Variants in GPR160 observed in about 807,000 individuals in gnomAD.
GPR160 encodes probable G protein-coupled receptor 160.
Under a neutral mutation model 2.6 loss-of-function variants are expected in GPR160, and 2 were observed. The ratio of observed to expected loss-of-function variants is 0.77; its 90% CI spans 0.32 to 2.44. The LOEUF (loss-of-function observed/expected upper bound fraction) is 2.44, where lower values mean the gene tolerates loss of function less well. GPR160 is among the 30% of genes most tolerant of loss of function. GPR160 has a pLI of 0.11. For missense variants in GPR160, 351 were observed against 383.6 expected, an observed-to-expected ratio of 0.91 and a Z score of 0.71; for synonymous variants, 130 against 132.2, an observed-to-expected ratio of 0.98 and a Z score of 0.12.
chr3:170,039,998 G>A (rs1006151073), intron 2 of GPR160, among the ~76,000 whole-genome samples: 1 of 151,944 alleles, frequency 6.6e-6, no homozygotes, highest in African/African-American at 2.4e-5. Context: ...CACAGGCAGG[G>A]GAACTTCAGG....
intron 2 of GPR160, among the ~76,000 whole-genome samples, chr3:170,071,497 T>A (rs947755488): frequency 2.6e-5 from 4 of 152,016 alleles, no homozygotes; most frequent in African/African-American, 9.7e-5. Context: ...TTGAGCCCAA[T>A]AAACCTCTTT....
chr3:170,072,680 T>C (rs1221950945), intron 2 of GPR160, among the ~76,000 whole-genome samples: 2 of 152,036 alleles, frequency 1.3e-5, no homozygotes, highest in Non-Finnish European at 2.9e-5. Context: ...CCCAGACTCT[T>C]TTTAACCAGC....
chr3:170,080,898 A>G (rs1199274615), intron 3 of GPR160, among the ~76,000 whole-genome samples: 1 of 152,114 alleles, frequency 6.6e-6, no homozygotes. Context: ...ACTAGGTTTC[A>G]CCATGTTGCC....
chr3:170,076,692 C>T (rs560029767), intron 2 of GPR160, among the ~76,000 whole-genome samples: 20 of 152,036 alleles, frequency 1.3e-4, no homozygotes, highest in African/African-American at 1.9e-4. Context: ...TACAGGCGCC[C>T]GCCACCACGC....
intron 3 of GPR160, among the ~76,000 whole-genome samples, chr3:170,081,033 G>A (rs866181556): frequency 1.4e-4 from 22 of 152,246 alleles, no homozygotes; most frequent in Middle Eastern, 3.4e-3. Context: ...TTTAGAACAG[G>A]AGTTATAAAA....
In GPR160 at chr3:170,038,143, G is replaced by A. The variant is rs1234519448; in HGVS notation, c.-394G>A. 1 of 152,718 alleles carries A rather than the reference G, an allele frequency of 6.5e-6. No individual in the cohort carries two copies. The highest frequency in any genetic ancestry group is 1.5e-5 in the Non-Finnish European group (1 of 68,168). The allele number at this position is 152,718 out of a possible 1,614,324, so 9.5% of individuals were successfully genotyped here. A position where few individuals can be genotyped will look rare whatever the true frequency, so the allele number is the denominator to read the frequency against. ...AGCTGGGCCCTCGCCCCTCCCTCGG[G>A]CGGTCACCTGGGCACGGGCGCTGCA... On this transcript the variant is annotated 5_prime_UTR_variant, in exon 1 of 4. Transcript: ENST00000355897. The surrounding 1 kb of genome is among the most constrained non-coding windows in gnomAD (Gnocchi z 5.3).
chr3:170,083,672 T>C (rs1371486394), intron 3 of GPR160: 1 of 216,636 alleles, frequency 4.6e-6, no homozygotes, highest in African/African-American at 2.3e-5. Flanking sequence ...AATTTATATA[T>C]AACATTTTGG....
intron 2 of GPR160, among the ~76,000 whole-genome samples, chr3:170,070,448 G>T (rs1321315447): frequency 6.6e-6 from 1 of 152,160 alleles, no homozygotes; most frequent in Non-Finnish European, 1.5e-5. Context: ...TATTAGTATT[G>T]ATGATCTTTG....
At chr3:170,052,075 G>C (rs763119274) in intron 2 of GPR160, among the ~76,000 whole-genome samples, 1 of 152,124 alleles carries the variant, frequency 6.6e-6, no homozygotes, top group Non-Finnish European at 1.5e-5. Context: ...ACAGGTGCAC[G>C]CCACCATGCT....
At chr3:170,080,619 A>G (rs533698727) in intron 3 of GPR160, among the ~76,000 whole-genome samples, 14 of 152,034 alleles carry the variant, frequency 9.2e-5, no homozygotes, top group African/African-American at 3.4e-4. Flanking sequence ...CCTCCTCCCT[A>G]CTTTTGTCAT....
chr3:170,042,674 A>AAAAT (rs907200239), intron 2 of GPR160, among the ~76,000 whole-genome samples: 1 of 146,386 alleles, frequency 6.8e-6, no homozygotes, highest in African/African-American at 2.5e-5. Flanking sequence ...ACAAAAAAAA[A>AAAAT]AAATAAATAA....
At position 170,078,319 on chromosome 3, in the gene GPR160, C is replaced by G. The variant is rs182238846; in HGVS notation, c.-192-1455C>G. Among the ~76,000 whole-genome samples the G allele has an allele frequency of 7.3e-4, 111 of 152,234 alleles. 1 individual carries two copies. The highest frequency in any genetic ancestry group is 2.6e-3 in the African/African-American group (106 of 41,556). ...ACCTTACTGCCTCCGCCTCCTCCCCCAGCCCCACCGTTACCGGGTAAAGGT... is the reference window on the plus strand; with the variant it reads ...ACCTTACTGCCTCCGCCTCCTCCCCGAGCCCCACCGTTACCGGGTAAAGGT... On this transcript the variant is annotated intron_variant, in intron 2 of 3. Transcript: ENST00000355897.
intron 2 of GPR160, among the ~76,000 whole-genome samples, chr3:170,075,501 A>G (rs2108343620): frequency 6.6e-6 from 1 of 152,338 alleles, no homozygotes; most frequent in Non-Finnish European, 1.5e-5. Flanking sequence ...TTTCTTGCTC[A>G]TACTATACAC....
intron 2 of GPR160, among the ~76,000 whole-genome samples, chr3:170,064,755 T>G (rs1712222219): frequency 6.6e-6 from 1 of 151,992 alleles, no homozygotes. Flanking sequence ...CCTGATCTCG[T>G]CATCCGCCCG....
At chr3:170,057,449 C>T (rs1275139764) in intron 2 of GPR160, 1 of 152,062 alleles carries the variant, frequency 6.6e-6, no homozygotes, top group African/African-American at 2.4e-5. Flanking sequence ...ACATTAAAAA[C>T]AAATTAAAAA....
intron 2 of GPR160, among the ~76,000 whole-genome samples, chr3:170,040,012 G>A (rs964769477): frequency 6.6e-6 from 1 of 151,936 alleles, no homozygotes; most frequent in Non-Finnish European, 1.5e-5. Context: ...CTTCAGGCAC[G>A]GGGGCCTGTC....
intron 2 of GPR160, among the ~76,000 whole-genome samples, chr3:170,076,530 TTTATTTTTTTAATTA>T (rs1393422046): frequency 6.6e-6 from 1 of 152,080 alleles, no homozygotes; most frequent in Non-Finnish European, 1.5e-5. Flanking sequence ...ATGTCGCTTT[TTTATTTTTTTAATTA>T]TTATTTTTTT....
chr3:170,040,839 T>A (rs1487066915), intron 2 of GPR160, among the ~76,000 whole-genome samples: 1 of 152,220 alleles, frequency 6.6e-6, no homozygotes, highest in Admixed American at 6.5e-5. Context: ...ATTTCATCTT[T>A]ATCTTGTTTG....
At chr3:170,062,026 T>A (rs202121961) in intron 2 of GPR160, among the ~76,000 whole-genome samples, 39,446 of 151,904 alleles carry the variant, frequency 0.26, 5,624 homozygotes, top group East Asian at 0.48. Flanking sequence ...TCCAAGTTTT[T>A]TTATTTTATA....
Sources: gnomAD v4.1 joint callset for allele counts (sites outside exome capture counted in the v4.1 genomes callset) on GRCh38, gnomAD v4.1.1 for gene constraint, Gnocchi (gnomAD v3.1) non-coding constraint, MANE v1.5 for transcripts, NCBI Gene and HGNC (gene_info 2026-07-23, HGNC 2026-07-21) for gene names.